Variants in LIN54 observed in about 807,000 individuals in gnomAD.
LIN54 encodes the protein lin-54 DREAM MuvB core complex component.
A neutral mutation model predicts 78.7 loss-of-function variants in LIN54; 9 were observed. The observed-to-expected ratio is 0.11, with a 90% CI of 0.07 to 0.20. LIN54 has a LOEUF of 0.20. Among genes scored for constraint, LIN54 ranks in the 10% least tolerant of loss-of-function variants. The pLI is 1.00. For synonymous variants in LIN54, 269 were observed against 318.4 expected (o/e 0.84, Z 1.65); for missense variants, 573 against 889.9 (o/e 0.64, Z 4.53).
chr4:83,010,067 T>C (rs1341604613), intron 1 of LIN54, among the ~76,000 whole-genome samples: 1 of 152,128 alleles, frequency 6.6e-6, no homozygotes, highest in Non-Finnish European at 1.5e-5. Flanking sequence ...CCCTATTCTA[T>C]AAAATGTGAA....
chr4:82,926,053 G>A lies in LIN54; in HGVS notation c.*2049C>T, dbSNP rs956620840. The stretch of plus-strand genomic sequence containing the variant: ...TCAGAAAAACTAGTAGCATTTGATT[G>A]CACCTTGAAATTTTTTTACAAGCAA... On this transcript the variant is annotated 3_prime_UTR_variant, in exon 13 of 13. Transcript: ENST00000340417. The A allele has an allele frequency of 2.0e-5, 3 of 152,522 alleles. No individual in the cohort carries two copies. The allele number at this position is 152,522 out of a possible 1,614,324, so 9.4% of individuals were successfully genotyped here. A position where few individuals can be genotyped will look rare whatever the true frequency, so the allele number is the denominator to read the frequency against.
chr4:83,010,544 GGGCAATCCC>G lies in LIN54; in HGVS notation c.-102_-94del. The stretch of plus-strand genomic sequence containing the variant: ...CGAGGTAGGGGCTCCAGAAGGTCCT[GGGCAATCCC>G]GAGCCCCGGCGGGGCTTGTTTTGCC... On this transcript the variant is annotated 5_prime_UTR_variant, in exon 1 of 13. Transcript: ENST00000340417. 1 of 1,204,576 alleles carries G rather than the reference GGGCAATCCC, an allele frequency of 8.3e-7. No individual in the cohort carries two copies. Among genetic ancestry groups the G allele is most frequent in the East Asian group, 3.5e-5 (1 of 28,920 alleles). 74.6% of individuals were successfully genotyped at this position (1,204,576 alleles called of 1,614,324 possible). A position where few individuals can be genotyped will look rare whatever the true frequency, so the allele number is the denominator to read the frequency against.
At chr4:82,959,806 G>T (rs1724643657) in intron 4 of LIN54, among the ~76,000 whole-genome samples, 1 of 152,074 alleles carries the variant, frequency 6.6e-6, no homozygotes, top group Non-Finnish European at 1.5e-5. Flanking sequence ...TGTTCTCACA[G>T]ATAAGTATGT....
At chr4:82,973,103 T>A (rs1202560432) in intron 3 of LIN54, among the ~76,000 whole-genome samples, 1 of 152,144 alleles carries the variant, frequency 6.6e-6, no homozygotes, top group Non-Finnish European at 1.5e-5. Flanking sequence ...ACTTTTACTA[T>A]CTTTCTGTGG....
At position 82,936,077 on chromosome 4, in the gene LIN54, T is replaced by A; in HGVS notation, c.1749A>T (p.Ile583=). The change falls in exon 11 of 13, where the codon ATA becomes ATT. Residue 583 remains isoleucine (I), a synonymous_variant. Transcript: ENST00000340417. ...DRNPEAFKPK[I]GKGKEGESDR... ...CAGATTCTCCCTCCTTTCCTTTCCC[T>A]ATCTTAGGCTTAAAGGCTTCTGGAT... The A allele has an allele frequency of 6.2e-7, 1 of 1,614,028 alleles. No individual in the cohort carries two copies.
intron 1 of LIN54, among the ~76,000 whole-genome samples, chr4:82,995,804 G>A (rs757933331): frequency 6.6e-6 from 1 of 151,524 alleles, no homozygotes; most frequent in African/African-American, 2.4e-5. Flanking sequence ...TGGCCTCCCT[G>A]TTTGTTTCAA....
At chr4:82,992,838 T>G (rs1421546259) in intron 1 of LIN54, among the ~76,000 whole-genome samples, 1 of 151,766 alleles carries the variant, frequency 6.6e-6, no homozygotes, top group South Asian at 2.1e-4. Flanking sequence ...ACCATCCTGG[T>G]TAACACGGTG....
At chr4:82,992,405 T>C (rs955776340) in intron 1 of LIN54, among the ~76,000 whole-genome samples, 5 of 152,180 alleles carry the variant, frequency 3.3e-5, no homozygotes, top group South Asian at 2.1e-4. Flanking sequence ...GGACCGGGCA[T>C]GGTGGCTCAC....
chr4:82,994,848 G>A (rs1172289219), intron 1 of LIN54, among the ~76,000 whole-genome samples: 2 of 151,958 alleles, frequency 1.3e-5, no homozygotes, highest in Admixed American at 1.3e-4. Context: ...ATTTGTTTAC[G>A]TCTCCCCTTC....
chr4:82,953,064 G>A (rs1023366269), intron 4 of LIN54, among the ~76,000 whole-genome samples: 5 of 152,184 alleles, frequency 3.3e-5, no homozygotes, highest in South Asian at 2.1e-4. Context: ...GCGAGGCAGC[G>A]ATTGCTGCCT....
intron 1 of LIN54, among the ~76,000 whole-genome samples, chr4:82,998,444 G>A (rs1180550025): frequency 6.6e-6 from 1 of 151,854 alleles, no homozygotes; most frequent in Non-Finnish European, 1.5e-5. Context: ...TCAGGAGGCT[G>A]AGGCAGAAGA....
At chr4:83,007,902 T>A (rs895790401) in intron 1 of LIN54, among the ~76,000 whole-genome samples, 1 of 151,658 alleles carries the variant, frequency 6.6e-6, no homozygotes, top group African/African-American at 2.4e-5. Context: ...AAAAAAAAAA[T>A]TCTATCAAAC....
At chr4:82,971,767 A>G (rs766576803) in intron 3 of LIN54, among the ~76,000 whole-genome samples, 1 of 152,158 alleles carries the variant, frequency 6.6e-6, no homozygotes. Flanking sequence ...TCTAGTCACT[A>G]AAGGTGTCCC....
Position 82,937,065 on chromosome 4 carries a change from T to C in LIN54, c.1604+162A>G, listed in dbSNP as rs540646274. ...ATTTCTTTCTAGATGAATGAAATAA[T>C]ATTTTTACACTGCCATATATGTTCA... is the stretch of plus-strand genomic sequence containing the variant. On this transcript the variant is annotated intron_variant, in intron 9 of 12. Transcript: ENST00000340417. 5.4e-4 allele frequency among the ~76,000 whole-genome samples: 83 copies of C among 152,314 alleles called. 1 individual carries two copies. Among genetic ancestry groups the C allele is most frequent in the Middle Eastern group, 6.8e-3 (2 of 294 alleles).
chr4:82,943,750 AGG>A (rs1723125532), intron 5 of LIN54, among the ~76,000 whole-genome samples: 1 of 152,100 alleles, frequency 6.6e-6, no homozygotes, highest in Non-Finnish European at 1.5e-5. Context: ...AGGAAGCAGA[AGG>A]GAAGCAGAAG....
At chr4:83,001,645 A>T (rs1440177067) in intron 1 of LIN54, among the ~76,000 whole-genome samples, 1 of 150,970 alleles carries the variant, frequency 6.6e-6, no homozygotes, top group Non-Finnish European at 1.5e-5. Flanking sequence ...GGAGATCAAG[A>T]GCATCCTGGC....
chr4:82,979,987 C>G (rs974616373), intron 2 of LIN54, among the ~76,000 whole-genome samples: 1 of 147,926 alleles, frequency 6.8e-6, no homozygotes, highest in Non-Finnish European at 1.5e-5. Flanking sequence ...CATCTCGTCA[C>G]CCAGACTGGA....
At chr4:82,980,541 C>A (rs552988606) in intron 2 of LIN54, among the ~76,000 whole-genome samples, 2 of 144,300 alleles carry the variant, frequency 1.4e-5, no homozygotes, top group South Asian at 4.5e-4. Flanking sequence ...CTGACAAAAA[C>A]CAACTGTATA....
intron 1 of LIN54, among the ~76,000 whole-genome samples, chr4:83,003,934 A>G (rs1457341924): frequency 6.6e-6 from 1 of 152,222 alleles, no homozygotes; most frequent in Non-Finnish European, 1.5e-5. Context: ...TCAATGTACA[A>G]GAATTCAGAT....
Sources: gnomAD v4.1 joint callset for allele counts (sites outside exome capture counted in the v4.1 genomes callset) on GRCh38, gnomAD v4.1.1 for gene constraint, MANE v1.5 for transcripts, NCBI Gene and HGNC (gene_info 2026-07-23, HGNC 2026-07-21) for gene names.